CDH1: variants seen among roughly 807,000 people sequenced by gnomAD.
The protein encoded by CDH1 is cadherin 1.
A neutral mutation model predicts 84.5 loss-of-function variants in CDH1; 35 were observed. That is an observed-to-expected ratio of 0.41 (90% confidence interval 0.32 to 0.55). The LOEUF (loss-of-function observed/expected upper bound fraction) is 0.55. Ranked by LOEUF, CDH1 falls within the 20% of genes least tolerant of loss-of-function variation. CDH1 has a pLI of 0.19. For synonymous variants in CDH1, 417 were observed against 439.0 expected (o/e 0.95, Z 0.63); for missense variants, 994 against 1,126.6 (o/e 0.88, Z 1.68).
intron 2 of CDH1, among the ~76,000 whole-genome samples, chr16:68,752,936 T>G (rs1962921510): frequency 6.6e-6 from 1 of 152,176 alleles, no homozygotes; most frequent in African/African-American, 2.4e-5. Context: ...CCCCTGGGTA[T>G]CTCAGCATCC....
In CDH1 at chr16:68,748,086, T is replaced by A. The variant is rs182333450; in HGVS notation, c.163+9675T>A. Among the ~76,000 whole-genome samples, 144 of 129,478 alleles carry A rather than the reference T, an allele frequency of 1.1e-3. 1 individual carries two copies. The highest frequency in any genetic ancestry group is 5.3e-3 in the African/African-American group (136 of 25,882). 84.9% of individuals were successfully genotyped at this position (129,478 alleles called of 152,430 possible). ...GCCCATTTTTATTTTTTTTAATTTT[T>A]AAAAAAATTTTTAAAAATTATTTAC... On this transcript the variant is annotated intron_variant, in intron 2 of 15. Coordinates refer to ENST00000261769, the MANE Select transcript of CDH1 (RefSeq NM_004360.5).
intron 2 of CDH1, among the ~76,000 whole-genome samples, chr16:68,784,319 C>T: frequency 6.6e-6 from 1 of 152,084 alleles, no homozygotes; most frequent in South Asian, 2.1e-4. Flanking sequence ...GATGATAAAA[C>T]GAACCCAGAA....
At chr16:68,822,788 A>AT (rs1329461597) in intron 12 of CDH1, 1 of 241,802 alleles carries the variant, frequency 4.1e-6, no homozygotes, top group Non-Finnish European at 8.1e-6. Context: ...TCCCTTGAAA[A>AT]TGCAAAACCA....
intron 15 of CDH1, among the ~76,000 whole-genome samples, 156 bp downstream of exon 15, chr16:68,829,953 C>CTTTTTT (rs67262350): frequency 2.9e-5 from 3 of 102,218 alleles, no homozygotes; most frequent in African/African-American, 1.5e-4. Flanking sequence ...CTTTTTTTTT[C>CTTTTTT]TTTTTCTTTT....
intron 2 of CDH1, among the ~76,000 whole-genome samples, chr16:68,795,625 G>T (rs1317235237): frequency 6.6e-6 from 1 of 152,074 alleles, no homozygotes; most frequent in Non-Finnish European, 1.5e-5. Flanking sequence ...CTTCTGAGTA[G>T]CTGGGATTAC....
intron 2 of CDH1, among the ~76,000 whole-genome samples, chr16:68,745,307 C>A (rs1396031047): frequency 9.9e-5 from 15 of 151,024 alleles, no homozygotes; most frequent in Admixed American, 8.0e-4. Context: ...CGTGGCGAGA[C>A]CCCCATCTCT....
chr16:68,758,207 C>CTTTTTT lies in CDH1; in HGVS notation c.163+19818_163+19823dup, dbSNP rs57413297. 1.7e-4 allele frequency among the ~76,000 whole-genome samples: 7 copies of CTTTTTT among 40,046 alleles called. 2 individuals are homozygous for CTTTTTT. The highest frequency in any genetic ancestry group is 3.1e-4 in the African/African-American group (3 of 9,558). The allele number at this position is 40,046 out of a possible 152,430, so 26.3% of individuals were successfully genotyped here. A position where few individuals can be genotyped will look rare whatever the true frequency, so the allele number is the denominator to read the frequency against. On this transcript the variant is annotated intron_variant, in intron 2 of 15. Transcript: ENST00000261769. ...GCCTAGGGTAGGCTTCTTTTTATTT[C>CTTTTTT]TTTTTTTTTTTTTTTTTTTTTTTTT...
At chr16:68,804,824 C>CTTTTTTTTTTTTTTTT (rs5817653) in intron 3 of CDH1, among the ~76,000 whole-genome samples, 1 of 69,668 alleles carries the variant, frequency 1.4e-5, no homozygotes, top group African/African-American at 6.7e-5. Flanking sequence ...GTAACAAAAT[C>CTTTTTTTTTTTTTTTT]TTTTTTTTTT....
intron 2 of CDH1, among the ~76,000 whole-genome samples, chr16:68,792,025 A>G (rs1960221615): frequency 6.6e-6 from 1 of 151,196 alleles, no homozygotes. Flanking sequence ...GGTTCAAGCA[A>G]TTCTCCTGCC....
intron 2 of CDH1, chr16:68,765,711 A>C (rs1959359076): frequency 7.2e-6 from 1 of 138,306 alleles, no homozygotes; most frequent in Non-Finnish European, 1.6e-5. Flanking sequence ...TTCTTTAAGT[A>C]TTTCTAGACA....
At chr16:68,829,463 G>T (rs1961417853) in intron 14 of CDH1, among the ~76,000 whole-genome samples, 191 bp from the exon 15 acceptor site, 1 of 152,102 alleles carries the variant, frequency 6.6e-6, no homozygotes, top group Non-Finnish European at 1.5e-5. Flanking sequence ...AATCCTTTGG[G>T]CCATGTTTTT....
At chr16:68,756,223 A>G (rs1303170829) in intron 2 of CDH1, among the ~76,000 whole-genome samples, 1 of 150,698 alleles carries the variant, frequency 6.6e-6, no homozygotes, top group Non-Finnish European at 1.5e-5. Flanking sequence ...CTTCCTCCCC[A>G]ACAAATTCTT....
rs730881668 is a variant in CDH1, at chr16:68,819,336, C to T, written c.1622C>T (p.Ala541Val). ...CTGGAGATTAATCCGGACACTGGTG[C>T]CATTTCCACTCGGGCTGAGCTGGAC... ...NWLEINPDTG[A>V]ISTRAELDRE... Residue 541 changes from alanine (A) to valine (V), a missense_variant, in exon 11 of 16, where the codon GCC becomes GTC. Around this residue, in one of 3 missense-constraint regions of CDH1, gnomAD observed 769 missense variants for 881.8 expected, o/e 0.87. Coordinates refer to ENST00000261769, the MANE Select transcript of CDH1 (RefSeq NM_004360.5). 1 of 1,614,118 alleles carries T rather than the reference C, an allele frequency of 6.2e-7. No homozygotes were observed. The highest frequency in any genetic ancestry group is 1.3e-5 in the African/African-American group (1 of 75,034).
At chr16:68,779,651 G>A (rs1258526955) in intron 2 of CDH1, among the ~76,000 whole-genome samples, 1 of 152,154 alleles carries the variant, frequency 6.6e-6, no homozygotes, top group Admixed American at 6.5e-5. Context: ...AAAGTCAAGA[G>A]ATCGAGACCA....
chr16:68,776,944 A>G (rs1253541370), intron 2 of CDH1, among the ~76,000 whole-genome samples: 2 of 152,206 alleles, frequency 1.3e-5, no homozygotes, highest in Non-Finnish European at 1.5e-5. Context: ...AACCTCAAGT[A>G]TGTCTGAGTG....
At chr16:68,801,401 A>T (rs1181029991) in intron 2 of CDH1, among the ~76,000 whole-genome samples, 1 of 152,168 alleles carries the variant, frequency 6.6e-6, no homozygotes, top group African/African-American at 2.4e-5. Flanking sequence ...CAGGCATGAG[A>T]CACTGTGCCC....
rs571581856 is a variant in CDH1, at chr16:68,808,558, C to T, written c.522C>T (p.Asn174=). 6.2e-7 allele frequency: 1 copy of T among 1,614,148 alleles called. No homozygotes were observed. The highest frequency in any genetic ancestry group is 2.2e-5 in the East Asian group (1 of 44,888). The change falls in exon 4 of 16, where the codon AAC becomes AAT. Residue 174 remains asparagine, a synonymous_variant. Transcript: ENST00000261769. ...ATGAAAAAGGCCCATTTCCTAAAAA[C>T]CTGGTTCAGGTAGAGAAAGAAGTTC... ...PENEKGPFPK[N]LVQIKSNKDK...
chr16:68,786,534 CTT>C (rs3074434), intron 2 of CDH1, among the ~76,000 whole-genome samples: 199 of 73,934 alleles, frequency 2.7e-3, no homozygotes, highest in African/African-American at 6.1e-3. Context: ...TTTTTTTTTT[CTT>C]TTTTTTTTTT....
At chr16:68,780,438 G>A (rs1959843737) in intron 2 of CDH1, among the ~76,000 whole-genome samples, 3 of 152,046 alleles carry the variant, frequency 2.0e-5, no homozygotes, top group Non-Finnish European at 2.9e-5. Context: ...CAAGTAGCTG[G>A]GATTACAGGT....
Sources: gnomAD v4.1 joint callset for allele counts (sites outside exome capture counted in the v4.1 genomes callset) on GRCh38, gnomAD v4.1.1 for gene constraint, gnomAD v4.1.1 regional missense constraint, MANE v1.5 for transcripts, NCBI Gene and HGNC (gene_info 2026-07-23, HGNC 2026-07-21) for gene names.